Variants in ZBTB20 observed in about 807,000 individuals in gnomAD.
ZBTB20 encodes the protein zinc finger and BTB domain containing 20.
ZBTB20 carries 9 observed loss-of-function variants against 56.9 expected under a neutral mutation model. That is an observed-to-expected ratio of 0.16 (90% CI 0.10 to 0.28). ZBTB20 has a LOEUF of 0.28. Ranked by LOEUF, ZBTB20 falls within the 10% of genes least tolerant of loss-of-function variation. ZBTB20 has a pLI of 1.00. For missense variants in ZBTB20, 655 were observed against 1,003.0 expected (o/e 0.65, Z 4.69); for synonymous variants, 417 against 420.7 (o/e 0.99, Z 0.11).
intron 4 of ZBTB20, among the ~76,000 whole-genome samples, chr3:114,830,057 C>T (rs375183353): frequency 1.3e-5 from 2 of 151,980 alleles, no homozygotes; most frequent in African/African-American, 4.8e-5. Context: ...TCACAAAGTA[C>T]AATTAATGTT....
chr3:114,715,058 A>T (rs573551224), intron 5 of ZBTB20, among the ~76,000 whole-genome samples: 17 of 152,332 alleles, frequency 1.1e-4, no homozygotes, highest in Admixed American at 3.3e-4. Flanking sequence ...AGTCACAAGC[A>T]AATTTTTCTT....
Position 114,973,327 on chromosome 3 carries a change from AG to A in ZBTB20, c.-456+1038del, listed in dbSNP as rs1202193079. Among the ~76,000 whole-genome samples, 18 of 152,358 alleles carry A rather than the reference AG, an allele frequency of 1.2e-4. No homozygotes were observed. The South Asian group carries it at 2.7e-3, about 23-fold the overall frequency. ...AGCCAAATAAAATAAAATCCTTAAA[AG>A]GTTAAAATTAGAAAGCAGGTGAATT... is the stretch of plus-strand genomic sequence containing the variant. On this transcript the variant is annotated intron_variant, in intron 3 of 11. Transcript: ENST00000675478.
At chr3:114,538,938 A>T (rs1452802012) in intron 6 of ZBTB20, among the ~76,000 whole-genome samples, 1 of 152,178 alleles carries the variant, frequency 6.6e-6, no homozygotes, top group Non-Finnish European at 1.5e-5. Context: ...GGGGGTTGGC[A>T]TTCTCATTGA....
intron 6 of ZBTB20, among the ~76,000 whole-genome samples, chr3:114,634,601 T>C (rs2059152047): frequency 6.6e-6 from 1 of 152,158 alleles, no homozygotes; most frequent in African/African-American, 2.4e-5. Flanking sequence ...CAAAATACCT[T>C]GCAAATATAT....
At chr3:114,346,633 G>A (rs560032761) in intron 11 of ZBTB20, among the ~76,000 whole-genome samples, 6 of 151,308 alleles carry the variant, frequency 4.0e-5, no homozygotes, top group African/African-American at 1.5e-4. Context: ...CTTAAAGGTA[G>A]AGCTTAGCTC....
intron 3 of ZBTB20, among the ~76,000 whole-genome samples, chr3:114,969,018 C>G (rs1435298948): frequency 6.6e-6 from 1 of 152,072 alleles, no homozygotes; most frequent in African/African-American, 2.4e-5. Flanking sequence ...GACTCAATTC[C>G]CTAACCCAAG....
chr3:114,674,079 C>T (rs1196498647), intron 6 of ZBTB20, among the ~76,000 whole-genome samples: 1 of 152,140 alleles, frequency 6.6e-6, no homozygotes, highest in Non-Finnish European at 1.5e-5. Flanking sequence ...CCGTCTTCAG[C>T]TCTTACATTA....
intron 2 of ZBTB20, among the ~76,000 whole-genome samples, chr3:115,002,301 G>C (rs1164949864): frequency 6.6e-6 from 1 of 151,484 alleles, no homozygotes; most frequent in East Asian, 1.9e-4. Context: ...ACATCTAGTT[G>C]ATCTTGGGTT....
intron 7 of ZBTB20, among the ~76,000 whole-genome samples, chr3:114,480,174 T>A (rs2041363015): frequency 6.6e-6 from 1 of 152,218 alleles, no homozygotes; most frequent in Non-Finnish European, 1.5e-5. Flanking sequence ...CAACCTTTCA[T>A]GCTGAGATTT....
At chr3:114,472,205 C>T (rs2040210039) in intron 7 of ZBTB20, among the ~76,000 whole-genome samples, 1 of 152,160 alleles carries the variant, frequency 6.6e-6, no homozygotes, top group Non-Finnish European at 1.5e-5. Flanking sequence ...ACAAGCTGAG[C>T]AGAATTCCCT....
At chr3:114,704,616 C>T (rs2063599282) in intron 5 of ZBTB20, among the ~76,000 whole-genome samples, 1 of 152,102 alleles carries the variant, frequency 6.6e-6, no homozygotes, top group Non-Finnish European at 1.5e-5. Context: ...GAGACTTATA[C>T]ACTGTTGAAT....
At chr3:114,743,287 A>G (rs1419771669) in intron 5 of ZBTB20, among the ~76,000 whole-genome samples, 3 of 152,152 alleles carry the variant, frequency 2.0e-5, no homozygotes, top group African/African-American at 4.8e-5. Context: ...GCAATAGGGT[A>G]GCCACTGGAT....
At chr3:114,761,003 C>T (rs1034338766) in intron 5 of ZBTB20, among the ~76,000 whole-genome samples, 20 of 151,994 alleles carry the variant, frequency 1.3e-4, no homozygotes, top group Admixed American at 4.6e-4. Context: ...ACTCCTAAAC[C>T]CCCAAAAAGC....
At chr3:115,102,323 A>T (rs1033844878) in intron 1 of ZBTB20, among the ~76,000 whole-genome samples, 3 of 152,074 alleles carry the variant, frequency 2.0e-5, no homozygotes, top group African/African-American at 4.8e-5. Flanking sequence ...TAGTGTGCCC[A>T]AGGTACCAGC....
chr3:114,817,213 AC>A (rs2072987029), intron 4 of ZBTB20, among the ~76,000 whole-genome samples: 1 of 151,906 alleles, frequency 6.6e-6, no homozygotes. Context: ...ACACACACAC[AC>A]ACACACACAC....
At chr3:114,608,378 C>A (rs990303926) in intron 6 of ZBTB20, among the ~76,000 whole-genome samples, 2 of 152,122 alleles carry the variant, frequency 1.3e-5, no homozygotes, top group African/African-American at 4.8e-5. Context: ...AATGCCAAGG[C>A]CCCTTCGTGA....
chr3:114,550,246 C>A (rs926921483), intron 6 of ZBTB20, among the ~76,000 whole-genome samples: 2 of 152,082 alleles, frequency 1.3e-5, no homozygotes, highest in African/African-American at 4.8e-5. Flanking sequence ...CCTATAACTT[C>A]TTTATTTATT....
chr3:114,393,879 G>C (rs561807511), intron 7 of ZBTB20, among the ~76,000 whole-genome samples: 11 of 152,278 alleles, frequency 7.2e-5, no homozygotes, highest in Admixed American at 6.5e-5. Context: ...CTTCTCTACA[G>C]CCCGTTTCAT....
chr3:115,055,458 G>C (rs1050071731), intron 2 of ZBTB20, among the ~76,000 whole-genome samples: 9 of 152,042 alleles, frequency 5.9e-5, no homozygotes, highest in Non-Finnish European at 1.0e-4. Context: ...CCAAATTCCT[G>C]ACCCACAGAA....
Sources: gnomAD v4.1 joint callset for allele counts (sites outside exome capture counted in the v4.1 genomes callset) on GRCh38, gnomAD v4.1.1 for gene constraint, MANE v1.5 for transcripts, NCBI Gene and HGNC (gene_info 2026-07-23, HGNC 2026-07-21) for gene names.